Variants in TEX14 observed in about 807,000 individuals in gnomAD.
TEX14 encodes the protein inactive serine/threonine-protein kinase TEX14.
A neutral mutation model predicts 178.6 loss-of-function variants in TEX14; 168 were observed. The observed-to-expected ratio is 0.94, with a 90% CI of 0.83 to 1.07. The LOEUF is 1.07. Ranked by LOEUF, TEX14 falls within the 50% of genes least tolerant of loss-of-function variation. The pLI is 0.00. For missense variants in TEX14, 1,730 were observed against 1,753.6 expected (o/e 0.99, Z 0.24); for synonymous variants, 626 against 634.1 (o/e 0.99, Z 0.19).
In TEX14 at chr17:58,605,085, G is replaced by C; in HGVS notation, c.1229C>G (p.Pro410Arg). The C allele has an allele frequency of 6.2e-7, 1 of 1,614,170 alleles. No homozygotes were observed. Among genetic ancestry groups the C allele is most frequent in the Non-Finnish European group, 8.5e-7 (1 of 1,180,020 alleles). ...TGCGGCCCAGTTGTATAGCTGCGTA[G>C]GAAGGGGCACTCGAGTCAGGTCCCT... Reference protein sequence around the residue: ...VQRDLTRVPLPTQLYNWAAPE... With the variant: ...VQRDLTRVPLRTQLYNWAAPE... The change falls in exon 11 of 32, where the codon CCT (proline) becomes CGT (arginine). Residue 410 changes from proline (P) to arginine (R), a missense_variant. This residue lies in a region of TEX14 where 789 missense variants were observed against 681.2 expected (regional missense o/e 1.16). Coordinates refer to ENST00000349033, the MANE Select transcript of TEX14 (RefSeq NM_031272.5).
intron 13 of TEX14, 147 bp downstream of exon 13, chr17:58,601,659 A>T: frequency 1.4e-6 from 1 of 702,522 alleles, no homozygotes; most frequent in Non-Finnish European, 2.4e-6. Context: ...ATGCCACTGT[A>T]CTCCAGTCTG....
chr17:58,604,889 T>C (rs1443759133), intron 11 of TEX14, 89 bp downstream of exon 11: 4 of 1,442,770 alleles, frequency 2.8e-6, no homozygotes, highest in Non-Finnish European at 3.8e-6. Context: ...AAGTCTTCTA[T>C]TTTCATAAAA....
intron 14 of TEX14, among the ~76,000 whole-genome samples, chr17:58,594,481 G>C (rs2045233191): frequency 6.6e-6 from 1 of 151,658 alleles, no homozygotes; most frequent in Non-Finnish European, 1.5e-5. Context: ...CTCCTGAGTA[G>C]CTGGGATTAC....
intron 1 of TEX14, among the ~76,000 whole-genome samples, chr17:58,665,154 T>A (rs1389646847): frequency 1.3e-5 from 2 of 152,024 alleles, no homozygotes; most frequent in Non-Finnish European, 2.9e-5. Context: ...TATATTATTA[T>A]TTTTATTATT....
At position 58,630,435 on chromosome 17, in the gene TEX14, C is replaced by A; in HGVS notation, c.251+5G>T. Reference sequence around the variant, plus strand: ...TTTTCTAGACATCAATATTATTGTACTTACTGATTTGGATCTGATCCATAA... The same window carrying A: ...TTTTCTAGACATCAATATTATTGTAATTACTGATTTGGATCTGATCCATAA... On this transcript the variant is annotated splice_donor_5th_base_variant and intron_variant, in intron 3 of 31. Coordinates refer to ENST00000349033, the MANE Select transcript of TEX14 (RefSeq NM_031272.5). 1 of 1,584,888 alleles carries A rather than the reference C, an allele frequency of 6.3e-7. No individual in the cohort carries two copies. The highest frequency in any genetic ancestry group is 8.7e-7 in the Non-Finnish European group (1 of 1,153,388).
intron 15 of TEX14, among the ~76,000 whole-genome samples, chr17:58,590,033 C>T (rs569223546): frequency 2.6e-5 from 4 of 152,142 alleles, no homozygotes; most frequent in South Asian, 2.1e-4. Flanking sequence ...GAGGCCATGG[C>T]GGGCAGATCA....
At chr17:58,656,257 G>A (rs2046956923) in intron 1 of TEX14, among the ~76,000 whole-genome samples, 1 of 152,086 alleles carries the variant, frequency 6.6e-6, no homozygotes, top group Non-Finnish European at 1.5e-5. Context: ...CAGCTTGACT[G>A]ATACGGTGAA....
intron 3 of TEX14, among the ~76,000 whole-genome samples, chr17:58,627,907 T>C (rs564529520): frequency 4.2e-5 from 6 of 142,600 alleles, no homozygotes; most frequent in African/African-American, 1.5e-4. Context: ...CCAGCCCCCA[T>C]GCCACCTTTT....
intron 7 of TEX14, among the ~76,000 whole-genome samples, chr17:58,615,938 G>A (rs971096873): frequency 3.9e-5 from 6 of 152,228 alleles, no homozygotes; most frequent in African/African-American, 7.2e-5. Flanking sequence ...ACTGGCACTA[G>A]TGGGTAGAGA....
rs532655684 is a variant in TEX14, at chr17:58,685,072, G to A, written c.-2+6867C>T. Among the ~76,000 whole-genome samples the A allele has an allele frequency of 9.9e-5, 15 of 151,850 alleles. No individual in the cohort carries two copies. The East Asian group carries it at 1.4e-3, about 14-fold the overall frequency. ...TCTAAACCATATGTAGAAATAATAC[G>A]AATGAAAAATCCATTTATAATTTTG... On this transcript the variant is annotated intron_variant, in intron 1 of 31. Coordinates refer to ENST00000349033, the MANE Select transcript of TEX14 (RefSeq NM_031272.5).
intron 1 of TEX14, among the ~76,000 whole-genome samples, chr17:58,688,027 G>A (rs1013577000): frequency 1.3e-5 from 2 of 152,138 alleles, no homozygotes; most frequent in Non-Finnish European, 2.9e-5. Flanking sequence ...CCTGAATGTA[G>A]ACCCCAGTCA....
At chr17:58,666,455 C>G (rs1231335815) in intron 1 of TEX14, 2 of 97,340 alleles carry the variant, frequency 2.1e-5, no homozygotes, top group African/African-American at 4.1e-5. Flanking sequence ...AAACCTTCCA[C>G]GGCAAAAAAA....
chr17:58,625,648 C>T (rs1161859988), intron 3 of TEX14, among the ~76,000 whole-genome samples: 1 of 149,046 alleles, frequency 6.7e-6, no homozygotes, highest in Non-Finnish European at 1.5e-5. Flanking sequence ...GGAGTCTCTG[C>T]CTAGCCAACT....
intron 10 of TEX14, among the ~76,000 whole-genome samples, chr17:58,610,931 T>A (rs1474488983): frequency 6.6e-6 from 1 of 151,984 alleles, no homozygotes; most frequent in African/African-American, 2.4e-5. Flanking sequence ...ATTATAGCAT[T>A]TATGCACATT....
At chr17:58,611,014 G>GCT in intron 10 of TEX14, 147 bp downstream of exon 10, 1 of 627,112 alleles carries the variant, frequency 1.6e-6, no homozygotes, top group Non-Finnish European at 2.8e-6. Context: ...GGCAGACAGG[G>GCT]TAAGGCATTT....
chr17:58,659,162 A>G (rs2047041683), intron 1 of TEX14, among the ~76,000 whole-genome samples: 1 of 152,138 alleles, frequency 6.6e-6, no homozygotes, highest in African/African-American at 2.4e-5. Flanking sequence ...AGAAAAGCGC[A>G]AAAGCAGTCC....
chr17:58,609,936 T>A (rs1033478198), intron 10 of TEX14, among the ~76,000 whole-genome samples: 2 of 152,042 alleles, frequency 1.3e-5, no homozygotes, highest in African/African-American at 4.8e-5. Flanking sequence ...CAGTGATGGG[T>A]AGGTGGCAGA....
Position 58,599,361 on chromosome 17 carries a change from C to G in TEX14, c.1984G>C (p.Glu662Gln). 9 of 1,614,160 alleles carry G rather than the reference C, an allele frequency of 5.6e-6. No homozygotes were observed. The highest frequency in any genetic ancestry group is 1.6e-4 in the Middle Eastern group (1 of 6,062). ...NQVDELKSME[E>Q]ELDKMEREAC... ...TCTCTCTCCATCTTATCCAGCTCTT[C>G]TTCCATGGATTTCAGTTCATCTACC... Residue 662 changes from glutamate (E) to glutamine (Q), a missense_variant, in exon 14 of 32, where the codon GAA becomes CAA. Around this residue, in one of 2 missense-constraint regions of TEX14, gnomAD observed 941 missense variants for 1,072.4 expected, o/e 0.88. Coordinates refer to ENST00000349033, the MANE Select transcript of TEX14 (RefSeq NM_031272.5).
At chr17:58,629,432 C>T (rs1457035885) in intron 3 of TEX14, among the ~76,000 whole-genome samples, 3 of 139,348 alleles carry the variant, frequency 2.2e-5, no homozygotes, top group Non-Finnish European at 3.0e-5. Context: ...CCAGCCTGGG[C>T]GACAGAGGCA....
Sources: gnomAD v4.1 joint callset for allele counts (sites outside exome capture counted in the v4.1 genomes callset) on GRCh38, gnomAD v4.1.1 for gene constraint, gnomAD v4.1.1 regional missense constraint, MANE v1.5 for transcripts, NCBI Gene and HGNC (gene_info 2026-07-23, HGNC 2026-07-21) for gene names.